Variants in ARHGEF3 observed in about 807,000 individuals in gnomAD.
The protein encoded by ARHGEF3 is Rho guanine nucleotide exchange factor 3.
Under a neutral mutation model 63.2 loss-of-function variants are expected in ARHGEF3, and 28 were observed. The ratio of observed to expected loss-of-function variants is 0.44; its 90% CI spans 0.33 to 0.61. The LOEUF is 0.61. ARHGEF3 is among the 20% of genes least tolerant of loss of function. The pLI is 0.03. For missense variants in ARHGEF3, 533 were observed against 659.3 expected (o/e 0.81, Z 2.10); for synonymous variants, 266 against 254.2 (o/e 1.05, Z -0.44).
rs796845480 is a variant in ARHGEF3 at position 56,763,098 on chromosome 3, G to A, written c.205-7947C>T. On this transcript the variant is annotated intron_variant, in intron 2 of 9. Transcript: ENST00000296315. ...AGAACATAGGCTTTGGAGTAAAACA[G>A]GCATGGCTTCAAGTTGATTCAATGG... 3.3e-5 allele frequency among the ~76,000 whole-genome samples: 5 copies of A among 152,178 alleles called. No homozygotes were observed. In the South Asian group the frequency reaches 6.2e-4, roughly 19 times the overall value.
intron 3 of ARHGEF3, among the ~76,000 whole-genome samples, chr3:56,896,870 G>A (rs2041320816): frequency 6.6e-6 from 1 of 152,154 alleles, no homozygotes; most frequent in Non-Finnish European, 1.5e-5. Context: ...GCATTGGTTT[G>A]GCCCAATATT....
chr3:56,910,324 C>T (rs768064369), intron 3 of ARHGEF3, among the ~76,000 whole-genome samples: 10 of 152,150 alleles, frequency 6.6e-5, no homozygotes, highest in African/African-American at 2.4e-4. Context: ...TGGCACCTGG[C>T]GCAGAATCCA....
intron 3 of ARHGEF3, among the ~76,000 whole-genome samples, chr3:56,934,888 G>A (rs2042515698): frequency 1.3e-5 from 2 of 152,392 alleles, no homozygotes; most frequent in South Asian, 4.1e-4. Flanking sequence ...TCCACCTGCA[G>A]CCCCGCTGCG....
At chr3:56,997,653 G>A (rs187074704) in intron 2 of ARHGEF3, among the ~76,000 whole-genome samples, 3 of 152,256 alleles carry the variant, frequency 2.0e-5, no homozygotes, top group Admixed American at 6.5e-5. Flanking sequence ...TCACATCCAC[G>A]TATGCCTTTG....
intron 3 of ARHGEF3, among the ~76,000 whole-genome samples, chr3:56,946,682 A>G (rs935132471): frequency 6.6e-6 from 1 of 152,212 alleles, no homozygotes; most frequent in Admixed American, 6.5e-5. Flanking sequence ...GGGAGAATGG[A>G]ACCAAGTTGA....
chr3:56,862,875 T>A (rs1274077455), intron 4 of ARHGEF3, among the ~76,000 whole-genome samples: 1 of 152,198 alleles, frequency 6.6e-6, no homozygotes, highest in African/African-American at 2.4e-5. Flanking sequence ...CTGGGCTGAT[T>A]CATTAGAATT....
intron 1 of ARHGEF3, among the ~76,000 whole-genome samples, chr3:57,052,688 T>A (rs1456878086): frequency 2.6e-5 from 4 of 152,070 alleles, no homozygotes; most frequent in Non-Finnish European, 5.9e-5. Flanking sequence ...CACAAAGACA[T>A]AAATAAATAA....
chr3:56,986,150 ACC>A (rs1307971509), intron 2 of ARHGEF3, among the ~76,000 whole-genome samples: 3 of 152,144 alleles, frequency 2.0e-5, no homozygotes, highest in Non-Finnish European at 4.4e-5. Flanking sequence ...TGTAAAAGAA[ACC>A]ACACACCCAC....
At chr3:57,041,804 T>C (rs1704196417) in intron 1 of ARHGEF3, among the ~76,000 whole-genome samples, 1 of 152,090 alleles carries the variant, frequency 6.6e-6, no homozygotes, top group Non-Finnish European at 1.5e-5. Flanking sequence ...TGTCTGCCAA[T>C]CTCAGGGCCA....
chr3:56,824,333 C>A (rs2108049622), intron 4 of ARHGEF3, among the ~76,000 whole-genome samples: 1 of 152,260 alleles, frequency 6.6e-6, no homozygotes, highest in South Asian at 2.1e-4. Flanking sequence ...TGGGACATAA[C>A]AATAGTAATA....
At chr3:56,732,718 A>G (rs954590918) in intron 8 of ARHGEF3, among the ~76,000 whole-genome samples, 7 of 152,156 alleles carry the variant, frequency 4.6e-5, no homozygotes, top group Non-Finnish European at 1.5e-5. Flanking sequence ...TCACATTGCA[A>G]TTCACAACTT....
intron 2 of ARHGEF3, among the ~76,000 whole-genome samples, chr3:56,979,007 T>A (rs1427218912): frequency 6.6e-6 from 1 of 152,112 alleles, no homozygotes; most frequent in Non-Finnish European, 1.5e-5. Context: ...AATAAAAAAA[T>A]TAGCCGGCCA....
Position 57,052,606 on chromosome 3 carries a change from A to T in ARHGEF3, c.-27-17430T>A, listed in dbSNP as rs977360625. On this transcript the variant is annotated intron_variant, in intron 1 of 12. Transcript: ENST00000338458. ...GCCACCCCACTCAGCCAGAGCCTAC[A>T]TTCTTAACCCTTACACTTTCCTCAT... Among the ~76,000 whole-genome samples the T allele has an allele frequency of 3.3e-5, 5 of 152,156 alleles. No individual in the cohort carries two copies. The South Asian group carries it at 1.0e-3, about 31-fold the overall frequency.
chr3:57,039,529 C>T lies in ARHGEF3; in HGVS notation c.-27-4353G>A, dbSNP rs139955895. On this transcript the variant is annotated intron_variant, in intron 1 of 12. Coordinates refer to the ARHGEF3 transcript ENST00000338458. Reference sequence around the variant, plus strand: ...ATTGCTGCTGTAATCAATTACCACACGCTTAGTGACTTAAAACAGCACAAA... The same window carrying T: ...ATTGCTGCTGTAATCAATTACCACATGCTTAGTGACTTAAAACAGCACAAA... 5.0e-4 allele frequency among the ~76,000 whole-genome samples: 76 copies of T among 152,286 alleles called. No individual in the cohort carries two copies. The East Asian group carries it at 7.7e-3, about 15-fold the overall frequency.
chr3:56,816,744 C>T (rs1015754853), intron 4 of ARHGEF3, among the ~76,000 whole-genome samples: 17 of 152,214 alleles, frequency 1.1e-4, no homozygotes, highest in African/African-American at 4.1e-4. Context: ...AGTCACACAG[C>T]TAGTAAGCAG....
At position 56,923,767 on chromosome 3, in the gene ARHGEF3, G is replaced by C. The variant is rs910487256; in HGVS notation, c.129+35056C>G. Among the ~76,000 whole-genome samples, 12 of 152,074 alleles carry C rather than the reference G, an allele frequency of 7.9e-5. No homozygotes were observed. The East Asian group carries it at 2.3e-3, about 29-fold the overall frequency. On this transcript the variant is annotated intron_variant, in intron 3 of 12. Transcript: ENST00000338458. Reference sequence around the variant, plus strand: ...TGAAAGTGGTTTTTTGTTTTGTTATGTTTTGGGTGTGTTCATGTGTACATG... The same window carrying C: ...TGAAAGTGGTTTTTTGTTTTGTTATCTTTTGGGTGTGTTCATGTGTACATG...
At chr3:56,741,184 C>CTTTTTT (rs10662620) in intron 7 of ARHGEF3, among the ~76,000 whole-genome samples, 1 of 128,870 alleles carries the variant, frequency 7.8e-6, no homozygotes, top group African/African-American at 2.9e-5. Flanking sequence ...TGCTTTGGTT[C>CTTTTTT]TTTTTTTTTT....
At chr3:56,992,375 T>TTAAAAA (rs1701783908) in intron 2 of ARHGEF3, among the ~76,000 whole-genome samples, 1 of 46,136 alleles carries the variant, frequency 2.2e-5, no homozygotes, top group Non-Finnish European at 6.0e-5. Flanking sequence ...AGGATGGCTT[T>TTAAAAA]AAAAAAAAAA....
chr3:56,836,095 C>T lies in ARHGEF3; in HGVS notation c.192+46197G>A, dbSNP rs17216796. 4.6e-3 allele frequency among the ~76,000 whole-genome samples: 699 copies of T among 152,328 alleles called. 9 individuals carry two copies. Among genetic ancestry groups the T allele is most frequent in the East Asian group, 0.029 (151 of 5,190 alleles). On this transcript the variant is annotated intron_variant, in intron 4 of 12. Coordinates refer to the ARHGEF3 transcript ENST00000338458. ...TTCACATCTGATTAATGCAAGCTGC[C>T]TTATCACTCCTGGTCTTTCCTTATC...
Sources: gnomAD v4.1 joint callset for allele counts (sites outside exome capture counted in the v4.1 genomes callset) on GRCh38, gnomAD v4.1.1 for gene constraint, MANE v1.5 for transcripts, NCBI Gene and HGNC (gene_info 2026-07-23, HGNC 2026-07-21) for gene names.